ASPH: variants seen among roughly 807,000 people sequenced by gnomAD.
ASPH encodes the protein aspartyl/asparaginyl beta-hydroxylase.
In ASPH, 100 loss-of-function variants were observed where a neutral mutation model predicts 118.4. That is an observed-to-expected ratio of 0.84 (90% confidence interval 0.72 to 1.00). ASPH has a LOEUF of 1.00. Among genes scored for constraint, ASPH ranks in the 50% least tolerant of loss-of-function variants. The pLI is 0.00. For missense variants in ASPH, 920 were observed against 919.5 expected, an observed-to-expected ratio of 1.00 and a Z score of -0.01; for synonymous variants, 315 against 325.6, an observed-to-expected ratio of 0.97 and a Z score of 0.35.
rs1341263623 is a variant in ASPH at position 61,638,359 on chromosome 8, T to C, written c.795A>G (p.Val265=). 1.3e-6 allele frequency: 2 copies of C among 1,575,000 alleles called. No homozygotes were observed. The highest frequency in any genetic ancestry group is 2.3e-5 in the East Asian group (1 of 44,208). ...VTYQVYEEQA[V]YEPLENEGIE... ...TCCCTTCATTTTCTAGAGGTTCATA[T>C]ACTGCTAAAAAAAAAAAAACAGAAA... The change falls in exon 11 of 25, where the codon GTA becomes GTG. Residue 265 remains valine, a synonymous_variant. Coordinates refer to ENST00000379454, the MANE Select transcript of ASPH (RefSeq NM_004318.4).
chr8:61,683,050 T>C (rs1187016293), intron 2 of ASPH, among the ~76,000 whole-genome samples: 3 of 152,096 alleles, frequency 2.0e-5, no homozygotes, highest in African/African-American at 4.8e-5. Flanking sequence ...TACTGAACTT[T>C]AAAAACATTA....
At chr8:61,616,598 T>C (rs36026311) in intron 14 of ASPH, among the ~76,000 whole-genome samples, 15,933 of 152,190 alleles carry the variant, frequency 0.1, 947 homozygotes, top group Non-Finnish European at 0.14. Flanking sequence ...ACTCCCACTG[T>C]GGTCTAGTCT....
intron 21 of ASPH, among the ~76,000 whole-genome samples, chr8:61,544,393 G>A (rs1189887518): frequency 6.6e-6 from 1 of 152,172 alleles, no homozygotes; most frequent in Non-Finnish European, 1.5e-5. Context: ...ATTACACAAT[G>A]TTTTATAAGC....
Position 61,576,552 on chromosome 8 carries a change from T to C in ASPH, c.1149+220A>G, listed in dbSNP as rs1563882307. On this transcript the variant is annotated intron_variant, in intron 16 of 24. Transcript: ENST00000379454. ...AAAAGTGTTACTGTTTATTTTCTTT[T>C]CAAAGCCAGAGAGAAGTCATATGGA... The C allele has an allele frequency of 9.0e-6, 4 of 444,218 alleles. No homozygotes were observed. The Admixed American group carries it at 1.1e-4, about 13-fold the overall frequency. The allele number at this position is 444,218 out of a possible 1,614,324, so 27.5% of individuals were successfully genotyped here. A position where few individuals can be genotyped will look rare whatever the true frequency, so the allele number is the denominator to read the frequency against.
intron 13 of ASPH, chr8:61,631,757 A>T (rs1309654371): frequency 1.3e-5 from 2 of 152,258 alleles, no homozygotes; most frequent in Non-Finnish European, 2.9e-5. Flanking sequence ...CTTCTCCATG[A>T]GGTCTTTCAG....
intron 21 of ASPH, among the ~76,000 whole-genome samples, chr8:61,529,513 CAGGGGCCTTT>C (rs1008122744): frequency 3.9e-5 from 6 of 152,236 alleles, no homozygotes; most frequent in African/African-American, 7.2e-5. Flanking sequence ...AAAGACAAAC[CAGGGGCCTTT>C]AGGGGCACTG....
intron 21 of ASPH, among the ~76,000 whole-genome samples, chr8:61,536,125 T>C (rs1235713048): frequency 6.6e-6 from 1 of 150,378 alleles, no homozygotes; most frequent in Non-Finnish European, 1.5e-5. Flanking sequence ...CTGCAACCTC[T>C]GCCTCGCAGG....
intron 14 of ASPH, among the ~76,000 whole-genome samples, chr8:61,612,030 GAA>G (rs149275503): frequency 1.5e-4 from 21 of 140,396 alleles, no homozygotes; most frequent in South Asian, 1.1e-3. Flanking sequence ...CCAGTCTCAG[GAA>G]AAAAAAAAAA....
At chr8:61,704,194 C>CAAAAAAAAA (rs61553495) in intron 1 of ASPH, among the ~76,000 whole-genome samples, 1 of 40,446 alleles carries the variant, frequency 2.5e-5, no homozygotes, top group African/African-American at 1.2e-4. Flanking sequence ...GACTCCGTCT[C>CAAAAAAAAA]AAAAAAAAAA....
At chr8:61,580,841 T>C (rs1235025053) in intron 15 of ASPH, among the ~76,000 whole-genome samples, 1 of 152,218 alleles carries the variant, frequency 6.6e-6, no homozygotes, top group Non-Finnish European at 1.5e-5. Context: ...AATCTCTCTA[T>C]CTCAATGTCC....
intron 3 of ASPH, chr8:61,665,440 CT>C: frequency 1.3e-6 from 2 of 1,590,898 alleles, no homozygotes; most frequent in Non-Finnish European, 1.7e-6. Context: ...TTTCTCTGTC[CT>C]TTTTACCCTT....
chr8:61,555,859 C>T, intron 19 of ASPH, 65 bp downstream of exon 19: 1 of 1,382,268 alleles, frequency 7.2e-7, no homozygotes. Flanking sequence ...AAGGAATAAG[C>T]AAGTGTGTCC....
At chr8:61,625,196 A>C (rs983145024) in intron 13 of ASPH, 3 of 985,644 alleles carry the variant, frequency 3.0e-6, no homozygotes, top group African/African-American at 3.5e-5. Context: ...TCAACAGAGC[A>C]ATTATTTCTG....
intron 21 of ASPH, among the ~76,000 whole-genome samples, chr8:61,533,697 G>A (rs1057141633): frequency 6.6e-6 from 1 of 152,184 alleles, no homozygotes; most frequent in Non-Finnish European, 1.5e-5. Context: ...TTGAATTGCT[G>A]TAGTACCAGG....
At position 61,553,207 on chromosome 8, in the gene ASPH, C is replaced by T. The variant is rs1586959963; in HGVS notation, c.1537-87G>A. 8.6e-6 allele frequency: 9 copies of T among 1,046,240 alleles called. No individual in the cohort carries two copies. In the East Asian group the frequency reaches 1.6e-4, roughly 18 times the overall value. The allele number at this position is 1,046,240 out of a possible 1,614,324, so 64.8% of individuals were successfully genotyped here. A position where few individuals can be genotyped will look rare whatever the true frequency, so the allele number is the denominator to read the frequency against. On this transcript the variant is annotated intron_variant, in intron 19 of 24. Coordinates refer to ENST00000379454, the MANE Select transcript of ASPH (RefSeq NM_004318.4). ...TTACATAGCTTTTCTTATGGCACATCGTATGAAAACCTAAAAACCAGAAAA... is the reference window on the plus strand; with the variant it reads ...TTACATAGCTTTTCTTATGGCACATTGTATGAAAACCTAAAAACCAGAAAA...
chr8:61,689,589 T>A (rs1245618855), intron 1 of ASPH: 1 of 1,379,530 alleles, frequency 7.2e-7, no homozygotes, highest in Middle Eastern at 1.9e-4. Context: ...GCCAAAAATA[T>A]TTTAACAGAG....
At chr8:61,523,903 C>G (rs928147674) in intron 22 of ASPH, among the ~76,000 whole-genome samples, 2 of 152,086 alleles carry the variant, frequency 1.3e-5, no homozygotes, top group Admixed American at 1.3e-4. Context: ...CCAGCCTGGG[C>G]AATATAGTGA....
chr8:61,666,653 C>A (rs1819768663), intron 3 of ASPH, among the ~76,000 whole-genome samples: 1 of 152,130 alleles, frequency 6.6e-6, no homozygotes, highest in South Asian at 2.1e-4. Context: ...CTAATAAAAT[C>A]TTGATTAACA....
chr8:61,584,996 G>A (rs972712159), intron 14 of ASPH, among the ~76,000 whole-genome samples: 2 of 152,170 alleles, frequency 1.3e-5, no homozygotes, highest in African/African-American at 2.4e-5. Flanking sequence ...TGCACCCTGC[G>A]TATCTCTGTT....
Sources: allele counts gnomAD v4.1 joint callset (sites outside exome capture counted in the v4.1 genomes callset), GRCh38; gene constraint gnomAD v4.1.1; transcripts MANE v1.5; gene names NCBI Gene and HGNC (gene_info 2026-07-23, HGNC 2026-07-21).